WDR64: variants seen among roughly 807,000 people sequenced by gnomAD.
The protein encoded by WDR64 is WD repeat-containing protein 64.
In WDR64, 112 loss-of-function variants were observed where a neutral mutation model predicts 139.3. That is an observed-to-expected ratio of 0.80 (90% confidence interval 0.69 to 0.94). WDR64 has a LOEUF of 0.94. Ranked by LOEUF, WDR64 falls within the 40% of genes least tolerant of loss-of-function variation. WDR64 has a pLI of 0.00. For missense variants in WDR64, 1,206 were observed against 1,293.1 expected (o/e 0.93, Z 1.03); for synonymous variants, 444 against 437.7 (o/e 1.01, Z -0.18).
intron 8 of WDR64, among the ~76,000 whole-genome samples, chr1:241,689,559 T>G (rs1667135213): frequency 1.3e-5 from 2 of 152,292 alleles, no homozygotes; most frequent in South Asian, 4.1e-4. Context: ...TTAATGCAGA[T>G]GCACCTAACA....
intron 8 of WDR64, among the ~76,000 whole-genome samples, chr1:241,687,852 G>C (rs759072606): frequency 4.6e-5 from 7 of 152,102 alleles, no homozygotes; most frequent in Non-Finnish European, 4.4e-5. Flanking sequence ...TAATCAATAC[G>C]AGTGCATCTA....
rs1457173636 is a variant in WDR64, at chr1:241,801,881, G to A, written c.*666G>A. 1 of 397,746 alleles carries A rather than the reference G, an allele frequency of 2.5e-6. No individual in the cohort carries two copies. The highest frequency in any genetic ancestry group is 4.4e-6 in the Non-Finnish European group (1 of 225,824). The allele number at this position is 397,746 out of a possible 1,614,324, so 24.6% of individuals were successfully genotyped here. A position where few individuals can be genotyped will look rare whatever the true frequency, so the allele number is the denominator to read the frequency against. ...TCAATAATTATGAAACCTTTAATAG[G>A]TTAAAGTATGCAAGTTTAAAAGGTT... is the stretch of plus-strand genomic sequence containing the variant. On this transcript the variant is annotated 3_prime_UTR_variant, in exon 28 of 28. Transcript: ENST00000437684.
intron 8 of WDR64, among the ~76,000 whole-genome samples, chr1:241,697,676 C>T (rs1403639032): frequency 2.0e-5 from 3 of 152,216 alleles, no homozygotes; most frequent in South Asian, 4.1e-4. Flanking sequence ...AACAATCACA[C>T]TATACATTTT....
intron 23 of WDR64, among the ~76,000 whole-genome samples, chr1:241,786,052 A>C (rs1891566): frequency 0.24 from 36,392 of 152,154 alleles, 4,621 homozygotes; most frequent in East Asian, 0.42. Context: ...ACCCTTCTAA[A>C]TTTTACTATT....
chr1:241,690,246 G>A (rs1667162800), intron 8 of WDR64, among the ~76,000 whole-genome samples: 2 of 152,164 alleles, frequency 1.3e-5, no homozygotes, highest in South Asian at 4.1e-4. Context: ...GCCAAGGTGG[G>A]TGCATCACAA....
chr1:241,674,266 T>TTC (rs1316631373), intron 3 of WDR64, among the ~76,000 whole-genome samples: 2 of 143,562 alleles, frequency 1.4e-5, no homozygotes, highest in Non-Finnish European at 3.1e-5. Context: ...CTTTTCTTTT[T>TTC]TTTTTTTTTT....
chr1:241,690,337 G>A (rs1667168249), intron 8 of WDR64, among the ~76,000 whole-genome samples: 2 of 151,992 alleles, frequency 1.3e-5, no homozygotes, highest in Non-Finnish European at 2.9e-5. Context: ...TGGGCATGGT[G>A]GCGCACACCT....
At chr1:241,711,766 A>AT in intron 8 of WDR64, 36 bp from the exon 9 acceptor site, 2 of 1,599,280 alleles carry the variant, frequency 1.3e-6, no homozygotes, top group Non-Finnish European at 1.7e-6. Context: ...GATAAAGAAA[A>AT]ATATATATGT....
chr1:241,762,047 G>C (rs1657930549), intron 15 of WDR64, among the ~76,000 whole-genome samples: 1 of 152,140 alleles, frequency 6.6e-6, no homozygotes, highest in South Asian at 2.1e-4. Flanking sequence ...ATGGCATCTA[G>C]AATAGTGAAT....
At chr1:241,731,614 G>A (rs1418334899) in intron 10 of WDR64, among the ~76,000 whole-genome samples, 2 of 152,206 alleles carry the variant, frequency 1.3e-5, no homozygotes, top group Non-Finnish European at 2.9e-5. Flanking sequence ...TACCTAAGGA[G>A]TGGGACTGAG....
chr1:241,780,554 A>G (rs1243641869), intron 22 of WDR64, among the ~76,000 whole-genome samples: 1 of 152,134 alleles, frequency 6.6e-6, no homozygotes, highest in Non-Finnish European at 1.5e-5. Context: ...GCATAGCCCT[A>G]TTTTTCTTTA....
chr1:241,675,127 CCCTCCTTCCCTCCCTT>C (rs1666473966), intron 4 of WDR64, among the ~76,000 whole-genome samples: 2 of 57,504 alleles, frequency 3.5e-5, no homozygotes, highest in Non-Finnish European at 6.8e-5. Context: ...CTCCCTCCTT[CCCTCCTTCCCTCCCTT>C]CTTCCTTCCT....
rs550407937 is a variant in WDR64 at position 241,794,905 on chromosome 1, C to T, written c.2998-302C>T. Among the ~76,000 whole-genome samples the T allele has an allele frequency of 3.3e-5, 5 of 152,210 alleles. No homozygotes were observed. The East Asian group carries it at 9.6e-4, about 29-fold the overall frequency. Reference sequence around the variant, plus strand: ...TTTCCCTTAGGACTCTGATTTTCACCAGCAGTCTTGTTTTGTCCATTCCTT... The same window carrying T: ...TTTCCCTTAGGACTCTGATTTTCACTAGCAGTCTTGTTTTGTCCATTCCTT... On this transcript the variant is annotated intron_variant, in intron 25 of 27. Coordinates refer to ENST00000437684, the MANE Select transcript of WDR64 (RefSeq NM_001367482.1).
intron 23 of WDR64, among the ~76,000 whole-genome samples, chr1:241,787,137 G>A (rs1659064070): frequency 2.0e-5 from 3 of 151,064 alleles, no homozygotes; most frequent in Non-Finnish European, 2.9e-5. Context: ...GGTGGATCAC[G>A]AGGTCAGGAG....
chr1:241,771,624 T>C, intron 18 of WDR64, 37 bp from the exon 19 acceptor site: 2 of 1,451,738 alleles, frequency 1.4e-6, no homozygotes. Flanking sequence ...TCTTACAATG[T>C]CATGGAAGTC....
chr1:241,749,732 C>T lies in WDR64; in HGVS notation c.1770+10C>T, dbSNP rs1458225543. 1.2e-6 allele frequency: 2 copies of T among 1,610,520 alleles called. No homozygotes were observed. Among genetic ancestry groups the T allele is most frequent in the East Asian group, 2.2e-5 (1 of 44,748 alleles). On this transcript the variant is annotated intron_variant, in intron 14 of 27. Coordinates refer to ENST00000437684, the MANE Select transcript of WDR64 (RefSeq NM_001367482.1). ...TATCAAAATGATCCAGGTTTACAAT[C>T]CCACTTCATACTCGTACTGCAGGTG...
At chr1:241,687,836 T>C (rs1667068344) in intron 8 of WDR64, among the ~76,000 whole-genome samples, 2 of 152,224 alleles carry the variant, frequency 1.3e-5, no homozygotes. Flanking sequence ...TATCATCTAC[T>C]GAAATTAATC....
At chr1:241,726,696 CAAT>C (rs1668855089) in intron 10 of WDR64, among the ~76,000 whole-genome samples, 2 of 151,698 alleles carry the variant, frequency 1.3e-5, no homozygotes, top group Non-Finnish European at 2.9e-5. Context: ...ATATAAAATA[CAAT>C]AATATGTAAG....
At chr1:241,713,459 G>GGAAGGAAAGA (rs1558486432) in intron 9 of WDR64, among the ~76,000 whole-genome samples, 1 of 134,920 alleles carries the variant, frequency 7.4e-6, no homozygotes, top group East Asian at 2.4e-4. Context: ...GGAAGGAAAG[G>GGAAGGAAAGA]AAGGAAGGAA....
Sources: allele counts gnomAD v4.1 joint callset (sites outside exome capture counted in the v4.1 genomes callset), GRCh38; gene constraint gnomAD v4.1.1; transcripts MANE v1.5; gene names NCBI Gene and HGNC (gene_info 2026-07-23, HGNC 2026-07-21).